Variants in LYPLA1 observed in about 807,000 individuals in gnomAD.
LYPLA1 encodes lysophospholipase 1.
In LYPLA1, 17 loss-of-function variants were observed where a neutral mutation model predicts 34.0. The ratio of observed to expected loss-of-function variants is 0.50; its 90% CI spans 0.34 to 0.75. The LOEUF (loss-of-function observed/expected upper bound fraction) is 0.75, where lower values mean the gene tolerates loss of function less well. Ranked by LOEUF, LYPLA1 falls within the 30% of genes least tolerant of loss-of-function variation. LYPLA1 has a pLI of 0.01. For missense variants in LYPLA1, 203 were observed against 288.8 expected, an observed-to-expected ratio of 0.70 and a Z score of 2.15; for synonymous variants, 98 against 100.8, an observed-to-expected ratio of 0.97 and a Z score of 0.17.
intron 2 of LYPLA1, among the ~76,000 whole-genome samples, chr8:54,081,744 A>T (rs566525998): frequency 6.8e-6 from 1 of 146,232 alleles, no homozygotes; most frequent in East Asian, 2.0e-4. Flanking sequence ...TTTTTGAGAC[A>T]GAGTTCTGCT....
At chr8:54,064,215 G>A (rs1161628728) in intron 3 of LYPLA1, among the ~76,000 whole-genome samples, 1 of 152,092 alleles carries the variant, frequency 6.6e-6, no homozygotes, top group Non-Finnish European at 1.5e-5. Flanking sequence ...AGGAGTTTGA[G>A]ACCAGCCCGG....
chr8:54,100,704 G>C (rs1444066378), intron 2 of LYPLA1: 1 of 570,866 alleles, frequency 1.8e-6, no homozygotes, highest in Non-Finnish European at 3.1e-6. Flanking sequence ...CCAGAAACCA[G>C]AGTTAAAAAA....
At chr8:54,089,869 T>C (rs1449900950) in intron 2 of LYPLA1, among the ~76,000 whole-genome samples, 1 of 152,146 alleles carries the variant, frequency 6.6e-6, no homozygotes, top group East Asian at 1.9e-4. Flanking sequence ...ATTGTAATAA[T>C]CCCCATGTGT....
intron 2 of LYPLA1, chr8:54,100,546 A>C: frequency 3.8e-6 from 1 of 263,432 alleles, no homozygotes. Flanking sequence ...CTCTTATCAA[A>C]ATCAACTAGT....
intron 3 of LYPLA1, among the ~76,000 whole-genome samples, chr8:54,064,953 C>T (rs1033900889): frequency 6.6e-6 from 1 of 152,142 alleles, no homozygotes; most frequent in African/African-American, 2.4e-5. Context: ...ACAGGTTGGA[C>T]AAGCTTGACC....
At chr8:54,078,340 A>T (rs1164559255) in intron 2 of LYPLA1, among the ~76,000 whole-genome samples, 7 of 152,206 alleles carry the variant, frequency 4.6e-5, no homozygotes, top group Admixed American at 6.5e-5. Flanking sequence ...AATCCAACTC[A>T]AAAAAGTTCT....
rs931388596 is a variant in LYPLA1 at position 54,101,891 on chromosome 8, G to A, written c.-68C>T. 5.0e-6 allele frequency: 5 copies of A among 996,154 alleles called. No homozygotes were observed. The highest frequency in any genetic ancestry group is 1.7e-5 in the African/African-American group (1 of 58,098). 61.7% of individuals were successfully genotyped at this position (996,154 alleles called of 1,614,324 possible). On this transcript the variant is annotated 5_prime_UTR_variant, in exon 1 of 9. Coordinates refer to ENST00000316963, the MANE Select transcript of LYPLA1 (RefSeq NM_006330.4). The stretch of plus-strand genomic sequence containing the variant: ...GCCCGGCCGCGGCCCAAGGGCGTGC[G>A]AGCGGCGAGTCCCGGCCGGCCCCAC...
Position 54,079,025 on chromosome 8 carries a change from G to A in LYPLA1, c.102-13212C>T, listed in dbSNP as rs1042227877. 2.6e-5 allele frequency among the ~76,000 whole-genome samples: 4 copies of A among 151,826 alleles called. No individual in the cohort carries two copies. In the South Asian group the frequency reaches 6.2e-4, roughly 24 times the overall value. Reference sequence around the variant, plus strand: ...TTTTGTGAGACAGTTTTGCTCTGTCGTCCAGGCTGGAGTGCAGGGATGGCT... The same window carrying A: ...TTTTGTGAGACAGTTTTGCTCTGTCATCCAGGCTGGAGTGCAGGGATGGCT... On this transcript the variant is annotated intron_variant, in intron 2 of 8. Transcript: ENST00000316963.
chr8:54,056,992 C>T (rs1806250620), intron 5 of LYPLA1, among the ~76,000 whole-genome samples: 1 of 152,108 alleles, frequency 6.6e-6, no homozygotes, highest in African/African-American at 2.4e-5. Context: ...GGCAAACAGG[C>T]ATATGAAAAG....
intron 1 of LYPLA1, 147 bp from the exon 2 acceptor site, chr8:54,101,086 C>T: frequency 1.4e-6 from 1 of 719,672 alleles, no homozygotes; most frequent in Non-Finnish European, 2.3e-6. Flanking sequence ...TCTTTATCGA[C>T]CTCTTTTAAA....
chr8:54,085,463 G>A (rs1808645597), intron 2 of LYPLA1, among the ~76,000 whole-genome samples: 1 of 151,878 alleles, frequency 6.6e-6, no homozygotes, highest in South Asian at 2.1e-4. Context: ...TGGGATGTGA[G>A]GAGCCCCTCT....
intron 8 of LYPLA1, 148 bp downstream of exon 8, chr8:54,050,864 A>C (rs2129322788): frequency 1.4e-6 from 1 of 728,520 alleles, no homozygotes. Context: ...AATTAAGTTG[A>C]ATACACACTC....
At position 54,101,879 on chromosome 8, in the gene LYPLA1, C is replaced by A. The variant is rs1158754676; in HGVS notation, c.-56G>T. The A allele has an allele frequency of 2.7e-6, 3 of 1,115,272 alleles. No individual in the cohort carries two copies. The highest frequency in any genetic ancestry group is 7.6e-5 in the East Asian group (2 of 26,258). 69.1% of individuals were successfully genotyped at this position (1,115,272 alleles called of 1,614,324 possible). A position where few individuals can be genotyped will look rare whatever the true frequency, so the allele number is the denominator to read the frequency against. Reference sequence around the variant, plus strand: ...GGAAGAGCGGGCGCCCGGCCGCGGCCCAAGGGCGTGCGAGCGGCGAGTCCC... The same window carrying A: ...GGAAGAGCGGGCGCCCGGCCGCGGCACAAGGGCGTGCGAGCGGCGAGTCCC... On this transcript the variant is annotated 5_prime_UTR_variant, in exon 1 of 9. Coordinates refer to ENST00000316963, the MANE Select transcript of LYPLA1 (RefSeq NM_006330.4).
intron 2 of LYPLA1, among the ~76,000 whole-genome samples, chr8:54,084,133 A>AAAAAAAAAAAAAAATTTATATAT (rs1373090573): frequency 8.3e-6 from 1 of 120,484 alleles, no homozygotes; most frequent in Non-Finnish European, 1.6e-5. Context: ...AGAAAAAAAA[A>AAAAAAAAAAAAAAATTTATATAT]ATAAATAAAT....
downstream of LYPLA1, among the ~76,000 whole-genome samples, chr8:54,045,243 C>T (rs1805448763): frequency 6.6e-6 from 1 of 152,096 alleles, no homozygotes; most frequent in Non-Finnish European, 1.5e-5. Context: ...TTAGGAATTT[C>T]TACAAAATAA....
In LYPLA1 at chr8:54,074,597, G is replaced by C. The variant is rs144958536; in HGVS notation, c.102-8784C>G. Among the ~76,000 whole-genome samples the C allele has an allele frequency of 5.5e-3, 842 of 152,324 alleles. 4 individuals are homozygous for C. Among genetic ancestry groups the C allele is most frequent in the African/African-American group, 0.02 (811 of 41,574 alleles). ...TTGCTAATGCAATTATTTAATGCTA[G>C]ACACTTTCATGATTTAACCCATGTT... On this transcript the variant is annotated intron_variant, in intron 2 of 8. Coordinates refer to ENST00000316963, the MANE Select transcript of LYPLA1 (RefSeq NM_006330.4).
At chr8:54,062,155 G>T (rs529514222) in intron 5 of LYPLA1, 99 bp downstream of exon 5, 1 of 859,074 alleles carries the variant, frequency 1.2e-6, no homozygotes, top group Middle Eastern at 2.2e-4. Context: ...ACCGTGCCCG[G>T]CCCAAATGTG....
intron 1 of LYPLA1, 126 bp from the exon 2 acceptor site, chr8:54,101,065 C>T (rs537938505): frequency 3.3e-5 from 26 of 784,430 alleles, no homozygotes; most frequent in Admixed American, 8.0e-5. Context: ...ACACTATCTT[C>T]GGCGACTTAA....
intron 2 of LYPLA1, among the ~76,000 whole-genome samples, chr8:54,085,855 G>C (rs1472262703): frequency 7.4e-6 from 1 of 134,680 alleles, no homozygotes; most frequent in East Asian, 2.4e-4. Context: ...CCGCGAGGTG[G>C]GGGGGGCGCC....
Sources: allele counts gnomAD v4.1 joint callset (sites outside exome capture counted in the v4.1 genomes callset), GRCh38; gene constraint gnomAD v4.1.1; transcripts MANE v1.5; gene names NCBI Gene and HGNC (gene_info 2026-07-23, HGNC 2026-07-21).